Variants in CDH13 observed in about 807,000 individuals in gnomAD.
The protein encoded by CDH13 is cadherin 13.
CDH13 carries 24 observed loss-of-function variants against 63.8 expected under a neutral mutation model. That is an observed-to-expected ratio of 0.38 (90% CI 0.27 to 0.53). CDH13 has a LOEUF of 0.53. Among genes scored for constraint, CDH13 ranks in the 20% least tolerant of loss-of-function variants. The pLI, the probability that CDH13 is intolerant of heterozygous loss-of-function variation, is 0.85. For missense variants in CDH13, 1,049 were observed against 903.1 expected (o/e 1.16, Z -2.07); for synonymous variants, 503 against 355.3 (o/e 1.42, Z -4.67).
chr16:82,960,982 C>A (rs1290526380), intron 2 of CDH13, among the ~76,000 whole-genome samples: 1 of 152,126 alleles, frequency 6.6e-6, no homozygotes, highest in Non-Finnish European at 1.5e-5. Context: ...CTGGAATGTT[C>A]CACATTGGGT....
intron 8 of CDH13, among the ~76,000 whole-genome samples, chr16:83,661,474 C>T (rs1447413268): frequency 6.9e-6 from 1 of 144,662 alleles, no homozygotes; most frequent in African/African-American, 2.7e-5. Flanking sequence ...CAGAGCGAGA[C>T]CCTGTCTCAA....
intron 3 of CDH13, among the ~76,000 whole-genome samples, chr16:83,032,884 G>A (rs1326470752): frequency 6.6e-6 from 1 of 152,166 alleles, no homozygotes; most frequent in Non-Finnish European, 1.5e-5. Flanking sequence ...AATGGATGGT[G>A]GATAGACCAG....
intron 6 of CDH13, among the ~76,000 whole-genome samples, chr16:83,430,496 C>G (rs1398078435): frequency 2.0e-5 from 3 of 152,198 alleles, no homozygotes; most frequent in Non-Finnish European, 2.9e-5. Context: ...AAATAATAGA[C>G]TCCCTGAATT....
chr16:83,033,894 T>G (rs1467944419), intron 3 of CDH13, among the ~76,000 whole-genome samples: 1 of 152,104 alleles, frequency 6.6e-6, no homozygotes, highest in Non-Finnish European at 1.5e-5. Context: ...AGCTTGGTCT[T>G]CCTCGATTTT....
chr16:82,919,816 C>A (rs1385488996), intron 2 of CDH13, among the ~76,000 whole-genome samples: 2 of 152,164 alleles, frequency 1.3e-5, no homozygotes, highest in Non-Finnish European at 2.9e-5. Flanking sequence ...GTTCATTCAG[C>A]AAATATTGAT....
intron 5 of CDH13, among the ~76,000 whole-genome samples, chr16:83,268,929 A>AAACTGCAAGGTG (rs11271229): frequency 6.6e-6 from 1 of 151,810 alleles, no homozygotes; most frequent in African/African-American, 2.4e-5. Flanking sequence ...GCCACAAGCC[A>AAACTGCAAGGTG]AAGACCAGAG....
At chr16:83,162,048 G>T (rs1006048118) in intron 4 of CDH13, among the ~76,000 whole-genome samples, 2 of 152,298 alleles carry the variant, frequency 1.3e-5, no homozygotes, top group East Asian at 3.9e-4. Flanking sequence ...TTGTTTGGGG[G>T]TTAGGCCCAT....
intron 7 of CDH13, among the ~76,000 whole-genome samples, chr16:83,501,935 G>A (rs907062803): frequency 2.0e-5 from 3 of 152,346 alleles, no homozygotes; most frequent in Non-Finnish European, 4.4e-5. Context: ...ATGTGGTACA[G>A]TGGCTCAGAG....
intron 1 of CDH13, among the ~76,000 whole-genome samples, chr16:82,761,614 G>A (rs2034861122): frequency 6.6e-6 from 1 of 152,198 alleles, no homozygotes; most frequent in Non-Finnish European, 1.5e-5. Flanking sequence ...CTGGCAGTTT[G>A]TAGGCTTGTG....
In CDH13 at chr16:82,793,223, C is replaced by T. The variant is rs569881084; in HGVS notation, c.46-65139C>T. Among the ~76,000 whole-genome samples, 4 of 152,274 alleles carry T rather than the reference C, an allele frequency of 2.6e-5. No individual in the cohort carries two copies. In the East Asian group the frequency reaches 7.7e-4, roughly 29 times the overall value. On this transcript the variant is annotated intron_variant, in intron 1 of 13. Coordinates refer to ENST00000567109, the MANE Select transcript of CDH13 (RefSeq NM_001257.5). ...TGTTAGTAATGAGCATTTGCAAGGG[C>T]AGCATGGGGAATTTCAATCAACCTG...
intron 1 of CDH13, among the ~76,000 whole-genome samples, chr16:82,751,791 G>T (rs1004755448): frequency 6.6e-6 from 1 of 152,106 alleles, no homozygotes; most frequent in Non-Finnish European, 1.5e-5. Flanking sequence ...TTATGTTGCA[G>T]GCTCTGGTTA....
At chr16:82,918,161 G>T (rs16958850) in intron 2 of CDH13, among the ~76,000 whole-genome samples, 1 of 152,068 alleles carries the variant, frequency 6.6e-6, no homozygotes, top group South Asian at 2.1e-4. Context: ...CCTCCTTTCT[G>T]TGGTCAAAGA....
At chr16:82,759,165 C>G (rs192441743) in intron 1 of CDH13, among the ~76,000 whole-genome samples, 2 of 152,182 alleles carry the variant, frequency 1.3e-5, no homozygotes, top group African/African-American at 2.4e-5. Flanking sequence ...AATTGTGAGT[C>G]AGGTTCCACA....
chr16:82,812,710 C>T (rs1222312639), intron 1 of CDH13, among the ~76,000 whole-genome samples: 1 of 152,044 alleles, frequency 6.6e-6, no homozygotes, highest in Admixed American at 6.6e-5. Flanking sequence ...AGTTTGGCGG[C>T]TAAAAAGGAG....
chr16:83,750,976 T>TAAA (rs11297972), intron 11 of CDH13, among the ~76,000 whole-genome samples: 15 of 148,016 alleles, frequency 1.0e-4, no homozygotes, highest in East Asian at 3.9e-4. Context: ...CTTAACTATT[T>TAAA]AAAAAAAAAA....
At chr16:83,201,496 T>G (rs1169729993) in intron 4 of CDH13, among the ~76,000 whole-genome samples, 1 of 151,790 alleles carries the variant, frequency 6.6e-6, no homozygotes, top group Non-Finnish European at 1.5e-5. Context: ...AGGAGACCCA[T>G]GTGGTAAGGT....
intron 7 of CDH13, among the ~76,000 whole-genome samples, chr16:83,599,511 A>C (rs966457400): frequency 1.3e-4 from 20 of 152,230 alleles, no homozygotes; most frequent in African/African-American, 4.8e-4. Context: ...AAAACAAACC[A>C]AAAAAATTTT....
intron 6 of CDH13, among the ~76,000 whole-genome samples, chr16:83,478,994 C>T (rs941140282): frequency 2.0e-5 from 3 of 152,160 alleles, no homozygotes; most frequent in Non-Finnish European, 2.9e-5. Flanking sequence ...TTTCCAGGAA[C>T]ACATGCCCTG....
At chr16:83,006,810 C>A (rs1449712176) in intron 2 of CDH13, among the ~76,000 whole-genome samples, 1 of 152,176 alleles carries the variant, frequency 6.6e-6, no homozygotes, top group African/African-American at 2.4e-5. Context: ...AGAATAACGC[C>A]ATTTGTTGAA....
Sources: allele counts gnomAD v4.1 joint callset (sites outside exome capture counted in the v4.1 genomes callset), GRCh38; gene constraint gnomAD v4.1.1; transcripts MANE v1.5; gene names NCBI Gene and HGNC (gene_info 2026-07-23, HGNC 2026-07-21).